Variants in MYOM3 observed in about 807,000 individuals in gnomAD.
MYOM3 encodes myomesin 3.
In MYOM3, 155 loss-of-function variants were observed where a neutral mutation model predicts 191.7. The ratio of observed to expected loss-of-function variants is 0.81; its 90% CI spans 0.71 to 0.92. The LOEUF (loss-of-function observed/expected upper bound fraction) is 0.92, where lower values mean the gene tolerates loss of function less well. Among genes scored for constraint, MYOM3 ranks in the 40% least tolerant of loss-of-function variants. The probability of loss-of-function intolerance (pLI) is 0.00; values close to 1 mark genes in which losing one functional copy is unlikely to be tolerated. For synonymous variants in MYOM3, 757 were observed against 762.9 expected (o/e 0.99, Z 0.13); for missense variants, 1,889 against 1,890.6 (o/e 1.00, Z 0.02).
At chr1:24,106,998 G>A in intron 4 of MYOM3, 75 bp downstream of exon 4, 1 of 1,422,518 alleles carries the variant, frequency 7.0e-7, no homozygotes, top group Non-Finnish European at 9.4e-7. Context: ...CCGCCTCTTG[G>A]GAAGGGGGTG....
In MYOM3 at chr1:24,080,155, G is replaced by A. The variant is rs746035906; in HGVS notation, c.2447C>T (p.Thr816Ile). The change falls in exon 20 of 37, where the codon ACA (threonine) becomes ATA (isoleucine). Residue 816 changes from threonine (T) to isoleucine (I), a missense_variant. Coordinates refer to ENST00000374434, the MANE Select transcript of MYOM3 (RefSeq NM_152372.4). The stretch of plus-strand genomic sequence containing the variant: ...GGGTTCCCACTGCAGCACCAGGGAT[G>A]TGGCCCGCACCTCGGATGCCCGTAC... ...YDVRASEVRA[T>I]SLVLQWEPPL... is the part of the protein sequence containing the mutation. The A allele has an allele frequency of 1.2e-6, 2 of 1,613,860 alleles. No individual in the cohort carries two copies. Among genetic ancestry groups the A allele is most frequent in the Non-Finnish European group, 1.7e-6 (2 of 1,179,848 alleles).
intron 20 of MYOM3, among the ~76,000 whole-genome samples, chr1:24,077,527 C>A (rs1643616974): frequency 1.3e-5 from 2 of 152,198 alleles, no homozygotes; most frequent in East Asian, 3.9e-4. Context: ...CCAGTGTAGC[C>A]TGTGCTTCAT....
In MYOM3 at chr1:24,074,929, A is replaced by G. The variant is rs528830503; in HGVS notation, c.2858+390T>C. Among the ~76,000 whole-genome samples, 13 of 152,238 alleles carry G rather than the reference A, an allele frequency of 8.5e-5. No homozygotes were observed. The East Asian group carries it at 2.5e-3, about 29-fold the overall frequency. On this transcript the variant is annotated intron_variant, in intron 22 of 36. Coordinates refer to ENST00000374434, the MANE Select transcript of MYOM3 (RefSeq NM_152372.4). Reference sequence around the variant, plus strand: ...GCGAGACCCCATCTCTACAAAAAATACAAAAATTAGCTGGGCATGGTGACA... The same window carrying G: ...GCGAGACCCCATCTCTACAAAAAATGCAAAAATTAGCTGGGCATGGTGACA...
At chr1:24,062,362 C>T (rs565487116) in intron 32 of MYOM3, among the ~76,000 whole-genome samples, 5 of 152,306 alleles carry the variant, frequency 3.3e-5, no homozygotes, top group Admixed American at 6.5e-5. Flanking sequence ...TGTTGTGTTG[C>T]AGAGGTGACA....
At chr1:24,058,218 A>G (rs1196142720) in intron 36 of MYOM3, among the ~76,000 whole-genome samples, 1 of 152,248 alleles carries the variant, frequency 6.6e-6, no homozygotes, top group Non-Finnish European at 1.5e-5. Context: ...TTTTTGTAAT[A>G]TATATGTCAC....
At chr1:24,090,004 T>C (rs1643796421) in intron 13 of MYOM3, 61 bp downstream of exon 13, 1 of 1,536,974 alleles carries the variant, frequency 6.5e-7, no homozygotes, top group African/African-American at 1.4e-5. Context: ...CTTTGCCAGC[T>C]CATGTCCCAG....
intron 4 of MYOM3, among the ~76,000 whole-genome samples, chr1:24,106,560 A>G (rs1643984969): frequency 6.6e-6 from 1 of 152,096 alleles, no homozygotes; most frequent in Admixed American, 6.5e-5. Context: ...AATTTTTACA[A>G]TGACGTCTAT....
At position 24,071,165 on chromosome 1, in the gene MYOM3, G is replaced by A. The variant is rs769159157; in HGVS notation, c.3102C>T (p.Ala1034=). 4.3e-6 allele frequency: 7 copies of A among 1,614,022 alleles called. No individual in the cohort carries two copies. In the Admixed American group the frequency reaches 8.3e-5, roughly 19 times the overall value. ...TGTTGAAGATTAGATGTAGCTCAGC[G>A]GCTGGAGATAACTTTTCTACTTCCA... ...LWLEVEKLSP[A]AELHLIFNNK... is the part of the protein sequence containing the mutation. Residue 1034 remains alanine (A), a synonymous_variant, in exon 25 of 37, where the codon GCC becomes GCT. Coordinates refer to ENST00000374434, the MANE Select transcript of MYOM3 (RefSeq NM_152372.4).
intron 16 of MYOM3, chr1:24,083,347 A>G (rs1396221408): frequency 2.0e-5 from 3 of 152,172 alleles, no homozygotes. Flanking sequence ...TTGGACTCCA[A>G]GTTCTTTAGC....
chr1:24,073,857 C>T (rs1447040891), intron 23 of MYOM3, among the ~76,000 whole-genome samples: 7 of 100,688 alleles, frequency 7.0e-5, no homozygotes, highest in Non-Finnish European at 1.2e-4. Context: ...AGCGAGACTC[C>T]GTCTAAAAAA....
intron 15 of MYOM3, among the ~76,000 whole-genome samples, chr1:24,085,311 T>TGGATGGATGGAC (rs1296898891): frequency 1.3e-5 from 2 of 151,770 alleles, no homozygotes; most frequent in African/African-American, 2.4e-5. Flanking sequence ...GATGGATGGA[T>TGGATGGATGGAC]GGATGGATGG....
Position 24,093,095 on chromosome 1 carries a change from C to A in MYOM3, c.942G>T (p.Arg314Ser). 1 of 1,609,254 alleles carries A rather than the reference C, an allele frequency of 6.2e-7. No individual in the cohort carries two copies. The highest frequency in any genetic ancestry group is 8.5e-7 in the Non-Finnish European group (1 of 1,179,614). ...IQWFRDGSLL[R>S]SSRRRKILYT... ...AGAGGATCTTCCGACGTCTCGAGGA[C>A]CTCAGTAGGCTCCCTGTGGAGGGGA... The change falls in exon 10 of 37, where the codon AGG (arginine) becomes AGT (serine). Residue 314 changes from arginine (R) to serine (S), a missense_variant. Physicochemically the swap from Arg to Ser is moderately radical, Grantham distance 110. Transcript: ENST00000374434.
At chr1:24,075,501 A>T (rs1284268905) in intron 21 of MYOM3, 26 bp from the exon 22 acceptor site, 1 of 1,536,056 alleles carries the variant, frequency 6.5e-7, no homozygotes, top group Non-Finnish European at 8.7e-7. Context: ...AACAGAGGGC[A>T]GCGGATGTTT....
chr1:24,082,595 A>C lies in MYOM3; in HGVS notation c.2090T>G (p.Leu697Arg), dbSNP rs1323766127. ...GCTGGACCTGCCCTTGGACTCACCCAGAGCCTGCTTGACCCTGATGGGCTC... is the reference window on the plus strand; with the variant it reads ...GCTGGACCTGCCCTTGGACTCACCCCGAGCCTGCTTGACCCTGATGGGCTC... ...ATEPIRVKQA[L>R]ATPSAPYGFA... Residue 697 changes from leucine (L) to arginine (R), a missense_variant and splice_region_variant, in exon 17 of 37, where the codon CTG becomes CGG. Coordinates refer to ENST00000374434, the MANE Select transcript of MYOM3 (RefSeq NM_152372.4). 2.5e-6 allele frequency: 4 copies of C among 1,602,564 alleles called. No individual in the cohort carries two copies. The highest frequency in any genetic ancestry group is 3.4e-6 in the Non-Finnish European group (4 of 1,175,620).
At chr1:24,090,006 A>T in intron 13 of MYOM3, 59 bp downstream of exon 13, 1 of 1,543,356 alleles carries the variant, frequency 6.5e-7, no homozygotes, top group Non-Finnish European at 9.0e-7. Context: ...TTGCCAGCTC[A>T]TGTCCCAGAG....
intron 16 of MYOM3, 140 bp from the exon 17 acceptor site, chr1:24,082,854 T>C: frequency 2.8e-6 from 3 of 1,072,816 alleles, no homozygotes; most frequent in Non-Finnish European, 3.8e-6. Flanking sequence ...CTAAAAATAT[T>C]GCCCTTGATC....
rs183946579 is a variant in MYOM3 at position 24,082,561 on chromosome 1, G to A, written c.2092+32C>T. On this transcript the variant is annotated intron_variant, in intron 17 of 36. Transcript: ENST00000374434. ...CCCAGCTCCCTGCCCAGCCCAGGGA[G>A]GTTTGCAGGCTGGACCTGCCCTTGG... 1.8e-4 allele frequency: 284 copies of A among 1,550,384 alleles called. 1 individual carries two copies. The African/African-American group carries it at 3.1e-3, about 17-fold the overall frequency.
rs1440688777 is a variant in MYOM3 at position 24,063,807 on chromosome 1, CTG to C, written c.3622+263_3622+264del. Among the ~76,000 whole-genome samples, 6 of 152,180 alleles carry C rather than the reference CTG, an allele frequency of 3.9e-5. No homozygotes were observed. Among genetic ancestry groups the C allele is most frequent in the Non-Finnish European group, 8.8e-5 (6 of 68,030 alleles). On this transcript the variant is annotated intron_variant, in intron 30 of 36. Transcript: ENST00000374434. This position sits in a 1 kb window ranked among gnomAD's most constrained non-coding sequence, Gnocchi z 4.5. ...CAGCCTGATGAGGAGCCTGGGCCCA[CTG>C]TGGGACGGAGGAGTGAACTCAGGCT...
chr1:24,061,669 T>C (rs1342084388), intron 33 of MYOM3, among the ~76,000 whole-genome samples: 1 of 152,084 alleles, frequency 6.6e-6, no homozygotes, highest in Non-Finnish European at 1.5e-5. Flanking sequence ...AGCCTCTATC[T>C]CCTGGGCTCA....
Sources: allele counts gnomAD v4.1 joint callset (sites outside exome capture counted in the v4.1 genomes callset), GRCh38; gene constraint gnomAD v4.1.1; non-coding constraint Gnocchi (gnomAD v3.1); transcripts MANE v1.5; gene names NCBI Gene and HGNC (gene_info 2026-07-23, HGNC 2026-07-21).